FBXL20: variants seen among roughly 807,000 people sequenced by gnomAD.
FBXL20 encodes F-box/LRR-repeat protein 20.
Under a neutral mutation model 64.0 loss-of-function variants are expected in FBXL20, and 11 were observed. That is an observed-to-expected ratio of 0.17 (90% CI 0.11 to 0.28). FBXL20 has a LOEUF of 0.28. Among genes scored for constraint, FBXL20 ranks in the 10% least tolerant of loss-of-function variants. The probability of loss-of-function intolerance (pLI) is 1.00; values close to 1 mark genes in which losing one functional copy is unlikely to be tolerated. For missense variants in FBXL20, 303 were observed against 526.2 expected, an observed-to-expected ratio of 0.58 and a Z score of 4.15; for synonymous variants, 184 against 189.0, an observed-to-expected ratio of 0.97 and a Z score of 0.22.
intron 1 of FBXL20, among the ~76,000 whole-genome samples, chr17:39,363,169 C>T (rs559931270): frequency 6.6e-6 from 1 of 152,036 alleles, no homozygotes; most frequent in Non-Finnish European, 1.5e-5. Context: ...TGCCACCACA[C>T]CCAGCTAATT....
At chr17:39,289,986 G>A (rs1406556860) in intron 6 of FBXL20, among the ~76,000 whole-genome samples, 6 of 109,144 alleles carry the variant, frequency 5.5e-5, no homozygotes, top group African/African-American at 1.5e-4. Flanking sequence ...GCAATAGTGC[G>A]AGACTCAGTC....
chr17:39,393,649 TAA>T (rs2048156129), intron 1 of FBXL20, among the ~76,000 whole-genome samples: 2 of 152,204 alleles, frequency 1.3e-5, no homozygotes, highest in African/African-American at 4.8e-5. Flanking sequence ...AACTATTAGA[TAA>T]GAGGCTTATT....
rs187978657 is a variant in FBXL20 at position 39,254,614 on chromosome 17, C to G, written c.*6846G>C. 4 of 154,208 alleles carry G rather than the reference C, an allele frequency of 2.6e-5. No homozygotes were observed. Among genetic ancestry groups the G allele is most frequent in the African/African-American group, 7.2e-5 (3 of 41,402 alleles). 9.6% of individuals were successfully genotyped at this position (154,208 alleles called of 1,614,324 possible). On this transcript the variant is annotated 3_prime_UTR_variant, in exon 15 of 15. Coordinates refer to ENST00000264658, the MANE Select transcript of FBXL20 (RefSeq NM_032875.3). ...TGGTTAAGTGTGTAGAAAGTAGGAG[C>G]CCTCTTTGCCAGTAAAAAGGGGTGC...
chr17:39,402,066 A>T, upstream of FBXL20: 2 of 1,001,800 alleles, frequency 2.0e-6, no homozygotes, highest in Non-Finnish European at 2.6e-6. Context: ...CCTGCACAGA[A>T]CCTCAGCCTC....
chr17:39,346,567 G>A (rs2047634561), intron 1 of FBXL20, among the ~76,000 whole-genome samples: 1 of 152,134 alleles, frequency 6.6e-6, no homozygotes, highest in South Asian at 2.1e-4. Flanking sequence ...AACAGGGACA[G>A]TGAAATGAAA....
intron 1 of FBXL20, among the ~76,000 whole-genome samples, chr17:39,381,479 CAAAAAAAAAAAA>C (rs35767863): frequency 4.4e-5 from 3 of 67,814 alleles, no homozygotes; most frequent in African/African-American, 9.9e-5. Flanking sequence ...GACTCTGTCT[CAAAAAAAAAAAA>C]AAAAAAAAGG....
Position 39,261,281 on chromosome 17 carries a change from T to G in FBXL20, c.*179A>C. 1.8e-6 allele frequency: 1 copy of G among 542,328 alleles called. No homozygotes were observed. The highest frequency in any genetic ancestry group is 3.3e-6 in the Non-Finnish European group (1 of 300,372). The allele number at this position is 542,328 out of a possible 1,614,324, so 33.6% of individuals were successfully genotyped here. A position where few individuals can be genotyped will look rare whatever the true frequency, so the allele number is the denominator to read the frequency against. ...CAGTCCCATGGTCACAAAGCTAGAG[T>G]GGATGGGGGTAAGGGTGTGTATGTG... On this transcript the variant is annotated 3_prime_UTR_variant, in exon 15 of 15. Coordinates refer to ENST00000264658, the MANE Select transcript of FBXL20 (RefSeq NM_032875.3).
chr17:39,333,065 G>A (rs2047478092), intron 2 of FBXL20, among the ~76,000 whole-genome samples: 1 of 151,898 alleles, frequency 6.6e-6, no homozygotes, highest in Non-Finnish European at 1.5e-5. Flanking sequence ...AGCCTCCCAA[G>A]TAGCTCAGAT....
chr17:39,387,824 C>A (rs1295747936), intron 1 of FBXL20, among the ~76,000 whole-genome samples: 2 of 152,076 alleles, frequency 1.3e-5, no homozygotes, highest in African/African-American at 4.8e-5. Context: ...GCGATCCTCC[C>A]ACCTTGGTCT....
chr17:39,275,921 T>C (rs756967121), intron 9 of FBXL20, among the ~76,000 whole-genome samples: 120 of 152,242 alleles, frequency 7.9e-4, no homozygotes, highest in Admixed American at 2.4e-3. Flanking sequence ...ATAAAAGAGT[T>C]GTATCTAACT....
intron 3 of FBXL20, among the ~76,000 whole-genome samples, 153 bp downstream of exon 3, chr17:39,303,432 T>C (rs1033151829): frequency 1.3e-5 from 2 of 152,182 alleles, no homozygotes; most frequent in Non-Finnish European, 2.9e-5. Flanking sequence ...ATCATAAATT[T>C]ACATGGGTTT....
intron 1 of FBXL20, among the ~76,000 whole-genome samples, chr17:39,368,822 AT>A (rs1262572538): frequency 4.6e-4 from 70 of 151,998 alleles, no homozygotes; most frequent in Non-Finnish European, 7.2e-4. Context: ...CACCGGGCTA[AT>A]TTTTTGTATT....
At chr17:39,303,430 T>C (rs1220650272) in intron 3 of FBXL20, among the ~76,000 whole-genome samples, 155 bp downstream of exon 3, 1 of 152,128 alleles carries the variant, frequency 6.6e-6, no homozygotes, top group Non-Finnish European at 1.5e-5. Context: ...CCATCATAAA[T>C]TTACATGGGT....
At chr17:39,388,931 C>T (rs1298753469) in intron 1 of FBXL20, among the ~76,000 whole-genome samples, 2 of 149,902 alleles carry the variant, frequency 1.3e-5, no homozygotes, top group South Asian at 2.1e-4. Flanking sequence ...ATGAAACCCC[C>T]ATCTCTACTA....
intron 1 of FBXL20, among the ~76,000 whole-genome samples, chr17:39,381,036 T>C (rs2048017876): frequency 6.6e-6 from 1 of 152,014 alleles, no homozygotes; most frequent in Admixed American, 6.6e-5. Flanking sequence ...GGCAGGCACC[T>C]GTAATCCCAG....
chr17:39,359,316 TG>T (rs2047771997), intron 1 of FBXL20, among the ~76,000 whole-genome samples: 1 of 151,844 alleles, frequency 6.6e-6, no homozygotes, highest in African/African-American at 2.4e-5. Context: ...AGCCTGAGCG[TG>T]GGTGACACAG....
intron 1 of FBXL20, among the ~76,000 whole-genome samples, chr17:39,357,304 G>A (rs577441788): frequency 1.0e-4 from 14 of 136,640 alleles, no homozygotes; most frequent in Middle Eastern, 7.8e-3. Context: ...GACTTTTTTT[G>A]CCCAGTTGAA....
intron 1 of FBXL20, among the ~76,000 whole-genome samples, chr17:39,378,939 G>A (rs1482470361): frequency 6.8e-5 from 10 of 147,098 alleles, no homozygotes; most frequent in South Asian, 2.3e-4. Flanking sequence ...TTAAAAAAAC[G>A]AAAATAGGCC....
intron 1 of FBXL20, among the ~76,000 whole-genome samples, chr17:39,355,855 C>CAAAAA (rs746086439): frequency 0.012 from 836 of 67,544 alleles, 36 homozygotes; most frequent in African/African-American, 0.042. Context: ...GACTTCGTCT[C>CAAAAA]AAAAAAAAAA....
Sources: gnomAD v4.1 joint callset for allele counts (sites outside exome capture counted in the v4.1 genomes callset) on GRCh38, gnomAD v4.1.1 for gene constraint, MANE v1.5 for transcripts, NCBI Gene and HGNC (gene_info 2026-07-23, HGNC 2026-07-21) for gene names.